Variants in GPC5 observed in about 807,000 individuals in gnomAD.
The protein encoded by GPC5 is glypican-5.
A neutral mutation model predicts 53.9 loss-of-function variants in GPC5; 47 were observed. The observed-to-expected ratio is 0.87, with a 90% CI of 0.69 to 1.11. GPC5 has a LOEUF of 1.11. Among genes scored for constraint, GPC5 ranks in the 50% most tolerant of loss-of-function variants. The probability of loss-of-function intolerance (pLI) is 0.00; values close to 1 mark genes in which losing one functional copy is unlikely to be tolerated. For synonymous variants in GPC5, 286 were observed against 263.3 expected, an observed-to-expected ratio of 1.09 and a Z score of -0.84; for missense variants, 748 against 713.1, an observed-to-expected ratio of 1.05 and a Z score of -0.56.
intron 7 of GPC5, among the ~76,000 whole-genome samples, chr13:92,723,235 G>T (rs558060601): frequency 4.7e-5 from 7 of 149,628 alleles, no homozygotes; most frequent in South Asian, 2.1e-4. Flanking sequence ...ATTATGGTGA[G>T]ATTCATATTA....
chr13:92,406,486 A>G (rs1875801514), intron 7 of GPC5, among the ~76,000 whole-genome samples: 2 of 152,172 alleles, frequency 1.3e-5, no homozygotes, highest in African/African-American at 4.8e-5. Flanking sequence ...TACAACTGGG[A>G]AAAAGACACC....
chr13:92,404,663 G>A (rs1926608), intron 7 of GPC5, among the ~76,000 whole-genome samples: 85,282 of 141,534 alleles, frequency 0.6, 26,757 homozygotes, highest in East Asian at 0.74. Context: ...ATTTACAGAA[G>A]GAAACTGAGG....
chr13:92,379,229 T>C (rs566174626), intron 7 of GPC5, among the ~76,000 whole-genome samples: 2 of 152,340 alleles, frequency 1.3e-5, no homozygotes, highest in African/African-American at 4.8e-5. Flanking sequence ...ATCTTTTGGT[T>C]TTCTGGTGAA....
At chr13:91,447,404 A>T (rs1880881914) in intron 1 of GPC5, among the ~76,000 whole-genome samples, 1 of 151,926 alleles carries the variant, frequency 6.6e-6, no homozygotes, top group African/African-American at 2.4e-5. Flanking sequence ...AAGATAAGTG[A>T]AAAACGATTG....
chr13:91,869,283 A>G (rs1004135876), intron 5 of GPC5, among the ~76,000 whole-genome samples: 34 of 151,452 alleles, frequency 2.2e-4, no homozygotes, highest in African/African-American at 8.2e-4. Flanking sequence ...CTGGTCTCCA[A>G]CTCCTGACCT....
chr13:92,816,156 G>A (rs2138804590), intron 7 of GPC5, among the ~76,000 whole-genome samples: 1 of 152,114 alleles, frequency 6.6e-6, no homozygotes, highest in Non-Finnish European at 1.5e-5. Flanking sequence ...TCACATTCAA[G>A]AGGAATACAC....
At chr13:92,085,984 AC>A (rs950533262) in intron 6 of GPC5, among the ~76,000 whole-genome samples, 4 of 152,154 alleles carry the variant, frequency 2.6e-5, no homozygotes, top group African/African-American at 9.7e-5. Flanking sequence ...GGGTTTGGAG[AC>A]CCCTGAAATA....
At chr13:91,706,312 A>G (rs1201410907) in intron 3 of GPC5, among the ~76,000 whole-genome samples, 2 of 152,128 alleles carry the variant, frequency 1.3e-5, no homozygotes, top group Non-Finnish European at 2.9e-5. Flanking sequence ...TAGAGTTATA[A>G]GTGATATTTG....
intron 7 of GPC5, among the ~76,000 whole-genome samples, chr13:92,413,807 G>C (rs770350805): frequency 6.6e-6 from 1 of 152,184 alleles, no homozygotes; most frequent in Non-Finnish European, 1.5e-5. Context: ...AGCAGGATGA[G>C]AAGAGGGGCT....
chr13:92,354,092 T>G (rs1033233221), intron 7 of GPC5, among the ~76,000 whole-genome samples: 6 of 152,230 alleles, frequency 3.9e-5, no homozygotes, highest in Non-Finnish European at 7.3e-5. Context: ...TTTTAACACA[T>G]ATTTTATGTT....
intron 7 of GPC5, among the ~76,000 whole-genome samples, chr13:92,640,513 G>A (rs1885561476): frequency 6.6e-6 from 1 of 152,114 alleles, no homozygotes; most frequent in Non-Finnish European, 1.5e-5. Context: ...ACCCGCCTCG[G>A]CCTCCCAAAG....
intron 7 of GPC5, among the ~76,000 whole-genome samples, chr13:92,236,993 G>T (rs1429719098): frequency 1.3e-5 from 2 of 151,960 alleles, no homozygotes; most frequent in Non-Finnish European, 2.9e-5. Context: ...GTTAATGTCA[G>T]ATGTTAATAC....
chr13:91,628,721 GATA>G (rs1566565405), intron 2 of GPC5, among the ~76,000 whole-genome samples: 1 of 152,104 alleles, frequency 6.6e-6, no homozygotes, highest in African/African-American at 2.4e-5. Flanking sequence ...ATAACAATAA[GATA>G]ATAACTAAGT....
intron 7 of GPC5, among the ~76,000 whole-genome samples, chr13:92,716,216 T>G (rs1402931319): frequency 6.6e-6 from 1 of 152,116 alleles, no homozygotes; most frequent in Non-Finnish European, 1.5e-5. Context: ...TCATGAATAT[T>G]CTTTCATGTT....
intron 7 of GPC5, among the ~76,000 whole-genome samples, chr13:92,726,760 T>C (rs556992196): frequency 6.6e-6 from 1 of 151,586 alleles, no homozygotes; most frequent in South Asian, 2.1e-4. Context: ...ATAAACTACA[T>C]ATAAGTGGTC....
intron 7 of GPC5, among the ~76,000 whole-genome samples, chr13:92,796,920 T>C (rs1232350200): frequency 6.6e-6 from 1 of 152,010 alleles, no homozygotes; most frequent in African/African-American, 2.4e-5. Context: ...ACATTTCTAT[T>C]TTTGAATCTG....
chr13:92,077,967 A>G (rs2041265779), intron 6 of GPC5, among the ~76,000 whole-genome samples: 2 of 134,112 alleles, frequency 1.5e-5, no homozygotes, highest in African/African-American at 2.5e-5. Context: ...GATAATAGAT[A>G]GGCAGATAGA....
chr13:91,770,730 G>T (rs1455133569), intron 5 of GPC5, among the ~76,000 whole-genome samples: 1 of 151,772 alleles, frequency 6.6e-6, no homozygotes, highest in Non-Finnish European at 1.5e-5. Context: ...GTGTGTGTGT[G>T]TGTGTGTGTA....
chr13:92,381,880 T>TTA (rs1555331656), intron 7 of GPC5, among the ~76,000 whole-genome samples: 3 of 43,014 alleles, frequency 7.0e-5, no homozygotes, highest in East Asian at 9.5e-4. Context: ...ATATATATGA[T>TTA]TATATATATT....
Sources: gnomAD v4.1 joint callset for allele counts (sites outside exome capture counted in the v4.1 genomes callset) on GRCh38, gnomAD v4.1.1 for gene constraint, MANE v1.5 for transcripts, NCBI Gene and HGNC (gene_info 2026-07-23, HGNC 2026-07-21) for gene names.